The following EYS variants were observed in gnomAD, a reference collection of about 807,000 sequenced individuals.
EYS encodes the protein protein eyes shut homolog.
A neutral mutation model predicts 282.1 loss-of-function variants in EYS; 250 were observed. That is an observed-to-expected ratio of 0.89 (90% CI 0.80 to 0.98). The LOEUF is 0.98. EYS is among the 50% of genes least tolerant of loss of function. EYS has a pLI of 0.00. For missense variants in EYS, 4,016 were observed against 3,709.0 expected (o/e 1.08, Z -2.15); for synonymous variants, 1,355 against 1,282.9 (o/e 1.06, Z -1.20).
chr6:64,178,501 A>ATGGCTAAAG (rs1764698913), intron 31 of EYS, among the ~76,000 whole-genome samples: 1 of 152,078 alleles, frequency 6.6e-6, no homozygotes, highest in Non-Finnish European at 1.5e-5. Context: ...TACATATATC[A>ATGGCTAAAG]TGGCTAAAGC....
chr6:64,160,781 C>G (rs953182583), intron 31 of EYS, among the ~76,000 whole-genome samples: 4 of 152,192 alleles, frequency 2.6e-5, no homozygotes, highest in African/African-American at 4.8e-5. Context: ...CTGCCAAATA[C>G]ACAGCCTATG....
chr6:64,919,396 C>CT (rs200613218), intron 15 of EYS, among the ~76,000 whole-genome samples: 1,917 of 142,690 alleles, frequency 0.013, 20 homozygotes, highest in Middle Eastern at 0.049. Context: ...GCAAACCTTC[C>CT]TTTTTTATGT....
intron 8 of EYS, among the ~76,000 whole-genome samples, chr6:65,363,356 T>G (rs943345188): frequency 3.9e-5 from 6 of 152,014 alleles, no homozygotes; most frequent in African/African-American, 1.4e-4. Context: ...TGGCATAATA[T>G]TAAATAAACA....
At chr6:64,859,701 G>C (rs1766173716) in intron 19 of EYS, among the ~76,000 whole-genome samples, 1 of 152,192 alleles carries the variant, frequency 6.6e-6, no homozygotes. Context: ...CTGTGATTGT[G>C]AGGCCTCCCC....
intron 5 of EYS, among the ~76,000 whole-genome samples, chr6:65,468,703 T>C (rs1765098517): frequency 6.6e-6 from 1 of 152,020 alleles, no homozygotes; most frequent in Non-Finnish European, 1.5e-5. Context: ...GATATACCTA[T>C]GATTGCAAAG....
chr6:65,564,348 G>A (rs938206663), intron 2 of EYS, among the ~76,000 whole-genome samples: 2 of 152,050 alleles, frequency 1.3e-5, no homozygotes, highest in Non-Finnish European at 2.9e-5. Context: ...AAAGTGGGAG[G>A]CATCATGCTC....
chr6:65,489,218 A>C (rs1405364560), intron 5 of EYS: 2 of 152,240 alleles, frequency 1.3e-5, no homozygotes, highest in African/African-American at 4.8e-5. Flanking sequence ...AAAATTTTGC[A>C]ATCTATCCAT....
intron 1 of EYS, among the ~76,000 whole-genome samples, chr6:65,672,589 AACAGTTGGGC>A (rs1768427003): frequency 6.6e-6 from 1 of 152,142 alleles, no homozygotes; most frequent in African/African-American, 2.4e-5. Context: ...TGTTGTAACC[AACAGTTGGGC>A]ACATGAGCCA....
chr6:63,727,737 A>ATATATATATATATATATATAT (rs1421811302), intron 41 of EYS, among the ~76,000 whole-genome samples: 5 of 36,712 alleles, frequency 1.4e-4, no homozygotes, highest in East Asian at 8.2e-4. Flanking sequence ...AAAAAAAAAA[A>ATATATATATATATATATATAT]ATATATATAT....
intron 31 of EYS, among the ~76,000 whole-genome samples, chr6:64,190,457 A>G (rs1205555470): frequency 6.6e-6 from 1 of 152,184 alleles, no homozygotes; most frequent in Non-Finnish European, 1.5e-5. Flanking sequence ...GTGAAGTGTC[A>G]GAGCATGCAA....
intron 22 of EYS, among the ~76,000 whole-genome samples, chr6:64,798,261 G>A (rs995084961): frequency 6.6e-6 from 1 of 151,606 alleles, no homozygotes; most frequent in Non-Finnish European, 1.5e-5. Context: ...AGATTTTCAA[G>A]GTTCCTTATC....
intron 31 of EYS, among the ~76,000 whole-genome samples, chr6:64,143,209 A>G (rs1483012440): frequency 1.3e-5 from 2 of 152,134 alleles, no homozygotes; most frequent in Non-Finnish European, 2.9e-5. Context: ...TCTTTAAGGC[A>G]GGGAAACTAC....
At chr6:63,855,541 A>G (rs569260134) in intron 36 of EYS, among the ~76,000 whole-genome samples, 1 of 152,336 alleles carries the variant, frequency 6.6e-6, no homozygotes, top group South Asian at 2.1e-4. Context: ...ACATAGCTGA[A>G]TATTCTGAAG....
chr6:65,365,381 A>G (rs1764876814), intron 8 of EYS, among the ~76,000 whole-genome samples: 2 of 151,588 alleles, frequency 1.3e-5, no homozygotes, highest in Non-Finnish European at 2.9e-5. Flanking sequence ...ACTGAGCAAA[A>G]GATAGAAAAT....
chr6:63,788,029 G>A (rs1770410132), intron 39 of EYS, 76 bp downstream of exon 39: 2 of 1,151,522 alleles, frequency 1.7e-6, no homozygotes, highest in Non-Finnish European at 2.4e-6. Flanking sequence ...GGAAATAGAA[G>A]TATACTCTTT....
chr6:64,420,607 G>C (rs542430595), intron 28 of EYS, among the ~76,000 whole-genome samples: 23 of 152,278 alleles, frequency 1.5e-4, no homozygotes, highest in Non-Finnish European at 2.4e-4. Flanking sequence ...GGCATCAAAG[G>C]CTGCATCATC....
At chr6:64,338,654 A>C (rs1417331682) in intron 29 of EYS, among the ~76,000 whole-genome samples, 4 of 152,022 alleles carry the variant, frequency 2.6e-5, no homozygotes, top group Non-Finnish European at 4.4e-5. Flanking sequence ...ATATGGAACC[A>C]AAAAAGAGCC....
At chr6:64,530,866 C>T (rs571394035) in intron 26 of EYS, among the ~76,000 whole-genome samples, 46 of 152,148 alleles carry the variant, frequency 3.0e-4, no homozygotes, top group African/African-American at 1.0e-3. Flanking sequence ...AACGTGAGTA[C>T]ATCCTTTCCA....
intron 36 of EYS, among the ~76,000 whole-genome samples, chr6:63,859,111 T>TTTTTTTTTTTTTTTTTTTTTTTTTA (rs796999871): frequency 1.4e-5 from 1 of 71,180 alleles, no homozygotes. Context: ...TTTTTTTTTT[T>TTTTTTTTTTTTTTTTTTTTTTTTTA]AATAGCTGGG....
Sources: gnomAD v4.1 joint callset for allele counts (sites outside exome capture counted in the v4.1 genomes callset) on GRCh38, gnomAD v4.1.1 for gene constraint, MANE v1.5 for transcripts, NCBI Gene and HGNC (gene_info 2026-07-23, HGNC 2026-07-21) for gene names.